ULK4: variants seen among roughly 807,000 people sequenced by gnomAD.
ULK4 encodes the protein inactive serine/threonine-protein kinase ULK4.
Under a neutral mutation model 160.6 loss-of-function variants are expected in ULK4, and 133 were observed. That is an observed-to-expected ratio of 0.83 (90% CI 0.72 to 0.96). The LOEUF is 0.96. ULK4 is among the 40% of genes least tolerant of loss of function. ULK4 has a pLI of 0.00. For synonymous variants in ULK4, 534 were observed against 539.8 expected (o/e 0.99, Z 0.15); for missense variants, 1,580 against 1,499.5 (o/e 1.05, Z -0.89).
At chr3:41,417,821 C>T (rs958046641) in intron 34 of ULK4, among the ~76,000 whole-genome samples, 4 of 152,118 alleles carry the variant, frequency 2.6e-5, no homozygotes, top group Non-Finnish European at 5.9e-5. Context: ...AGTTTTTATT[C>T]TGGCTGTTGA....
chr3:41,563,723 T>C (rs2087685488), intron 32 of ULK4, among the ~76,000 whole-genome samples: 1 of 152,166 alleles, frequency 6.6e-6, no homozygotes, highest in South Asian at 2.1e-4. Flanking sequence ...TCATTTAAGG[T>C]CTTCTCTACA....
At chr3:41,445,056 A>T (rs927360744) in intron 34 of ULK4, among the ~76,000 whole-genome samples, 72 of 152,330 alleles carry the variant, frequency 4.7e-4, no homozygotes, top group African/African-American at 1.7e-3. Flanking sequence ...TGCAAAAATC[A>T]CAAGCATTCT....
chr3:41,937,496 A>G (rs1295624883), intron 3 of ULK4, among the ~76,000 whole-genome samples: 1 of 149,768 alleles, frequency 6.7e-6, no homozygotes, highest in Non-Finnish European at 1.5e-5. Context: ...ATGTATAAAC[A>G]GAAGTACACT....
chr3:41,287,236 G>A (rs568602197), intron 35 of ULK4, among the ~76,000 whole-genome samples: 2 of 152,312 alleles, frequency 1.3e-5, no homozygotes, highest in Admixed American at 6.5e-5. Context: ...TACTGAGCAG[G>A]CAAGGGGTTC....
At chr3:41,436,372 G>A (rs572688824) in intron 34 of ULK4, among the ~76,000 whole-genome samples, 82 of 152,224 alleles carry the variant, frequency 5.4e-4, no homozygotes, top group African/African-American at 1.6e-3. Flanking sequence ...TTTGGTTGAT[G>A]CTTTTTAAAA....
intron 2 of ULK4, among the ~76,000 whole-genome samples, chr3:41,952,039 A>G (rs896554030): frequency 6.6e-6 from 1 of 152,246 alleles, no homozygotes; most frequent in Non-Finnish European, 1.5e-5. Flanking sequence ...GGAACACCAC[A>G]TAGAAAATTT....
At chr3:41,784,496 A>AT (rs1223777238) in intron 21 of ULK4, among the ~76,000 whole-genome samples, 8 of 152,144 alleles carry the variant, frequency 5.3e-5, no homozygotes, top group Admixed American at 4.6e-4. Context: ...TTTTACTTTG[A>AT]TTTTTAATCA....
intron 35 of ULK4, among the ~76,000 whole-genome samples, chr3:41,268,269 A>C (rs2079078485): frequency 6.6e-6 from 1 of 152,190 alleles, no homozygotes; most frequent in Admixed American, 6.5e-5. Context: ...CTCATGTTAC[A>C]TCAGGATGCC....
intron 22 of ULK4, among the ~76,000 whole-genome samples, chr3:41,740,273 C>CA (rs1166878165): frequency 6.6e-6 from 1 of 151,618 alleles, no homozygotes; most frequent in African/African-American, 2.4e-5. Flanking sequence ...AAAATCAAAG[C>CA]AGATTTTTTT....
At chr3:41,580,219 G>A (rs1280428673) in intron 31 of ULK4, among the ~76,000 whole-genome samples, 3 of 152,126 alleles carry the variant, frequency 2.0e-5, no homozygotes, top group East Asian at 1.9e-4. Flanking sequence ...TAGGGGTTGA[G>A]CACAGAGGGG....
At chr3:41,622,557 C>T (rs1229186159) in intron 30 of ULK4, among the ~76,000 whole-genome samples, 1 of 148,272 alleles carries the variant, frequency 6.7e-6, no homozygotes, top group Non-Finnish European at 1.5e-5. Flanking sequence ...AGAACACACA[C>T]ATGGACACAA....
intron 35 of ULK4, among the ~76,000 whole-genome samples, chr3:41,302,199 GTTATAACT>G (rs2079814644): frequency 1.3e-5 from 2 of 152,178 alleles, no homozygotes; most frequent in Admixed American, 1.3e-4. Flanking sequence ...ATGAGCAAAT[GTTATAACT>G]TTTTAAAAGT....
At chr3:41,399,057 C>T (rs887805876) in intron 34 of ULK4, among the ~76,000 whole-genome samples, 9 of 152,194 alleles carry the variant, frequency 5.9e-5, no homozygotes, top group African/African-American at 2.2e-4. Flanking sequence ...CCTACTGACC[C>T]GCTTCATAGT....
At chr3:41,648,789 A>T (rs1048458148) in intron 30 of ULK4, among the ~76,000 whole-genome samples, 2 of 152,144 alleles carry the variant, frequency 1.3e-5, no homozygotes, top group Non-Finnish European at 1.5e-5. Context: ...GCTCTCCAAC[A>T]TCACCAGTTT....
chr3:41,448,715 CGTGTGAT>C (rs930229466), intron 34 of ULK4, among the ~76,000 whole-genome samples: 1 of 152,020 alleles, frequency 6.6e-6, no homozygotes, highest in African/African-American at 2.4e-5. Context: ...CAGTCTGTAA[CGTGTGAT>C]GTGTGATGTG....
intron 35 of ULK4, among the ~76,000 whole-genome samples, chr3:41,305,303 G>A (rs2079885368): frequency 6.6e-6 from 1 of 152,034 alleles, no homozygotes; most frequent in South Asian, 2.1e-4. Context: ...CTGTACTGCT[G>A]CCATCTCGGC....
At chr3:41,648,077 C>A (rs901725554) in intron 30 of ULK4, among the ~76,000 whole-genome samples, 1 of 152,166 alleles carries the variant, frequency 6.6e-6, no homozygotes, top group Non-Finnish European at 1.5e-5. Flanking sequence ...GGGAGTGACC[C>A]GATTTTCCAG....
At chr3:41,935,017 ATTTTTTTTTTT>A (rs10635589) in intron 4 of ULK4, among the ~76,000 whole-genome samples, 6 of 112,876 alleles carry the variant, frequency 5.3e-5, no homozygotes, top group Admixed American at 2.3e-4. Flanking sequence ...TTATTTATTA[ATTTTTTTTTTT>A]TTTTTTTTTT....
At chr3:41,722,002 A>G (rs1353546481) in intron 22 of ULK4, among the ~76,000 whole-genome samples, 1 of 152,162 alleles carries the variant, frequency 6.6e-6, no homozygotes, top group Non-Finnish European at 1.5e-5. Flanking sequence ...TCTGGAAGCA[A>G]TTCTCACCTG....
Sources: gnomAD v4.1 joint callset for allele counts (sites outside exome capture counted in the v4.1 genomes callset) on GRCh38, gnomAD v4.1.1 for gene constraint, MANE v1.5 for transcripts, NCBI Gene and HGNC (gene_info 2026-07-23, HGNC 2026-07-21) for gene names.